CCDC38: variants seen among roughly 807,000 people sequenced by gnomAD.
CCDC38 encodes the protein coiled-coil domain containing 38, also known as coiled-coil domain-containing protein 38.
Under a neutral mutation model 72.8 loss-of-function variants are expected in CCDC38, and 69 were observed. The observed-to-expected ratio is 0.95, with a 90% CI of 0.78 to 1.16. The LOEUF (loss-of-function observed/expected upper bound fraction) is 1.16. Among genes scored for constraint, CCDC38 ranks in the 50% most tolerant of loss-of-function variants. The pLI is 0.00. For missense variants in CCDC38, 626 were observed against 638.9 expected, an observed-to-expected ratio of 0.98 and a Z score of 0.22; for synonymous variants, 201 against 213.2, an observed-to-expected ratio of 0.94 and a Z score of 0.50.
intron 8 of CCDC38, among the ~76,000 whole-genome samples, chr12:95,892,704 G>A (rs1249135925): frequency 6.6e-6 from 1 of 151,580 alleles, no homozygotes; most frequent in Non-Finnish European, 1.5e-5. Flanking sequence ...TGAGTAGTTG[G>A]GATTACAGGC....
At chr12:95,895,807 C>T (rs1242453858) in intron 7 of CCDC38, among the ~76,000 whole-genome samples, 5 of 148,238 alleles carry the variant, frequency 3.4e-5, no homozygotes, top group African/African-American at 1.2e-4. Context: ...CCTGTAATCC[C>T]AGGACTTTGG....
intron 2 of CCDC38, among the ~76,000 whole-genome samples, chr12:95,927,271 G>C (rs1204910743): frequency 6.6e-6 from 1 of 151,940 alleles, no homozygotes; most frequent in Non-Finnish European, 1.5e-5. Flanking sequence ...TCTTCTTGTT[G>C]AATTGATCCC....
intron 4 of CCDC38, among the ~76,000 whole-genome samples, chr12:95,908,134 G>A (rs184247764): frequency 8.0e-4 from 122 of 151,960 alleles, no homozygotes; most frequent in Non-Finnish European, 1.5e-3. Flanking sequence ...ATGTTGTAGG[G>A]AGCCGAGATC....
intron 12 of CCDC38, among the ~76,000 whole-genome samples, chr12:95,878,794 C>T (rs1255918179): frequency 6.6e-6 from 1 of 152,126 alleles, no homozygotes; most frequent in Non-Finnish European, 1.5e-5. Flanking sequence ...CCACCCTGTC[C>T]CAGAAAATCT....
intron 10 of CCDC38, among the ~76,000 whole-genome samples, chr12:95,887,513 A>C (rs75143514): frequency 1.3e-5 from 2 of 152,242 alleles, no homozygotes; most frequent in African/African-American, 4.8e-5. Context: ...AAAAGATTAC[A>C]TACTGTAGGA....
chr12:95,870,463 T>C (rs2079569518), intron 14 of CCDC38, among the ~76,000 whole-genome samples: 1 of 152,230 alleles, frequency 6.6e-6, no homozygotes, highest in Non-Finnish European at 1.5e-5. Context: ...AAATAACATG[T>C]ACTGAGCATT....
chr12:95,879,981 T>G lies in CCDC38; in HGVS notation c.991-186A>C. On this transcript the variant is annotated intron_variant, in intron 11 of 15. Coordinates refer to ENST00000344280, the MANE Select transcript of CCDC38 (RefSeq NM_182496.3). This position sits in a 1 kb window ranked among gnomAD's most constrained non-coding sequence, Gnocchi z 5.5. ...AGCTGGCTTTCAGAAAGAGCACATT[T>G]GCAGTGTTGTGGGGAGATGAGGGTA... is the stretch of plus-strand genomic sequence containing the variant. 2.3e-6 allele frequency: 1 copy of G among 440,440 alleles called. No individual in the cohort carries two copies. Among genetic ancestry groups the G allele is most frequent in the East Asian group, 3.3e-5 (1 of 30,250 alleles). 27.3% of individuals were successfully genotyped at this position (440,440 alleles called of 1,614,324 possible).
At chr12:95,874,071 T>A (rs954403014) in intron 13 of CCDC38, among the ~76,000 whole-genome samples, 2 of 152,248 alleles carry the variant, frequency 1.3e-5, no homozygotes, top group Admixed American at 1.3e-4. Context: ...TAACACTTAC[T>A]GTGTTTCCTA....
At chr12:95,919,945 A>G (rs1012920287) in intron 2 of CCDC38, among the ~76,000 whole-genome samples, 1 of 152,234 alleles carries the variant, frequency 6.6e-6, no homozygotes, top group South Asian at 2.1e-4. Flanking sequence ...AAAAAGTTGA[A>G]CACAGAATTG....
intron 14 of CCDC38, chr12:95,869,887 G>C (rs2079562336): frequency 8.4e-6 from 2 of 238,382 alleles, no homozygotes; most frequent in Admixed American, 6.1e-5. Flanking sequence ...GCAGTGGCAT[G>C]ATCTTGGCTC....
At chr12:95,876,758 A>G (rs1484744175) in intron 13 of CCDC38, among the ~76,000 whole-genome samples, 1 of 152,098 alleles carries the variant, frequency 6.6e-6, no homozygotes, top group South Asian at 2.1e-4. Context: ...ACCTGTGGGT[A>G]GGGGAGGACA....
At chr12:95,923,293 T>G (rs913031174) in intron 2 of CCDC38, among the ~76,000 whole-genome samples, 4 of 152,132 alleles carry the variant, frequency 2.6e-5, no homozygotes, top group Non-Finnish European at 5.9e-5. Flanking sequence ...ATCTCCTTCT[T>G]ATTGGTTCTG....
intron 5 of CCDC38, among the ~76,000 whole-genome samples, chr12:95,900,103 A>G (rs992268399): frequency 6.6e-6 from 1 of 152,144 alleles, no homozygotes; most frequent in Non-Finnish European, 1.5e-5. Flanking sequence ...CAAAAACCAC[A>G]GTTGTTTTTG....
At chr12:95,874,536 G>A (rs2079615669) in intron 13 of CCDC38, among the ~76,000 whole-genome samples, 2 of 152,112 alleles carry the variant, frequency 1.3e-5, no homozygotes, top group African/African-American at 4.8e-5. Flanking sequence ...ATATGAAAAA[G>A]GGATTGAGAG....
intron 4 of CCDC38, among the ~76,000 whole-genome samples, chr12:95,907,729 C>T (rs1367088750): frequency 6.8e-6 from 1 of 146,732 alleles, no homozygotes; most frequent in East Asian, 2.1e-4. Context: ...TCAGACAGGG[C>T]GGTTGCCAGG....
rs1472523965 is a variant in CCDC38, at chr12:95,895,094, A to G, written c.667T>C (p.Phe223Leu). 1.2e-6 allele frequency: 2 copies of G among 1,612,992 alleles called. No individual in the cohort carries two copies. Reference protein sequence around the residue: ...LLREYMKYGFFLLQMSPKHWQ... With the variant: ...LLREYMKYGFLLLQMSPKHWQ... ...TGTTTTGGAGACATTTGCAGCAGAA[A>G]AAAACCATATTTCATATACTCCCTG... Residue 223 changes from phenylalanine to leucine, a missense_variant, in exon 8 of 16, where the codon TTT becomes CTT. By Grantham distance (22) the Phe-to-Leu change is conservative (BLOSUM62 0). Coordinates refer to ENST00000344280, the MANE Select transcript of CCDC38 (RefSeq NM_182496.3).
At chr12:95,876,699 G>C (rs1015817655) in intron 13 of CCDC38, among the ~76,000 whole-genome samples, 3 of 152,174 alleles carry the variant, frequency 2.0e-5, no homozygotes, top group African/African-American at 7.2e-5. Flanking sequence ...GGAAATGTGT[G>C]TGTGTCTGGA....
intron 13 of CCDC38, among the ~76,000 whole-genome samples, chr12:95,873,140 T>G (rs1359250880): frequency 6.6e-6 from 1 of 152,202 alleles, no homozygotes; most frequent in Non-Finnish European, 1.5e-5. Context: ...TGGCACAATA[T>G]GTAACCCAGC....
intron 4 of CCDC38, among the ~76,000 whole-genome samples, chr12:95,913,826 A>G (rs2080118380): frequency 6.6e-6 from 1 of 152,196 alleles, no homozygotes; most frequent in Admixed American, 6.5e-5. Flanking sequence ...ATTGGGAGGT[A>G]AAAGAAAGCA....
Sources: gnomAD v4.1 joint callset for allele counts (sites outside exome capture counted in the v4.1 genomes callset) on GRCh38, gnomAD v4.1.1 for gene constraint, Gnocchi (gnomAD v3.1) non-coding constraint, MANE v1.5 for transcripts, NCBI Gene and HGNC (gene_info 2026-07-23, HGNC 2026-07-21) for gene names.